PARD3: variants seen among roughly 807,000 people sequenced by gnomAD.
PARD3 encodes par-3 family cell polarity regulator.
In PARD3, 75 loss-of-function variants were observed where a neutral mutation model predicts 155.4. The observed-to-expected ratio is 0.48, with a 90% CI of 0.40 to 0.58. The LOEUF (loss-of-function observed/expected upper bound fraction) is 0.58, where lower values mean the gene tolerates loss of function less well. Ranked by LOEUF, PARD3 falls within the 20% of genes least tolerant of loss-of-function variation. PARD3 has a pLI of 0.00. For synonymous variants in PARD3, 576 were observed against 610.5 expected, an observed-to-expected ratio of 0.94 and a Z score of 0.83; for missense variants, 1,642 against 1,721.7, an observed-to-expected ratio of 0.95 and a Z score of 0.82.
At chr10:34,587,831 A>T (rs186028881) in intron 2 of PARD3, among the ~76,000 whole-genome samples, 1 of 152,302 alleles carries the variant, frequency 6.6e-6, no homozygotes, top group Admixed American at 6.5e-5. Context: ...ATCATTGCGG[A>T]TAAGTGCCCT....
intron 22 of PARD3, among the ~76,000 whole-genome samples, chr10:34,210,140 A>G (rs1951670308): frequency 6.6e-6 from 1 of 152,218 alleles, no homozygotes; most frequent in Non-Finnish European, 1.5e-5. Flanking sequence ...GAACTTCCCA[A>G]CATATAACAT....
chr10:34,527,653 C>T (rs1432935592), intron 2 of PARD3, among the ~76,000 whole-genome samples: 2 of 152,192 alleles, frequency 1.3e-5, no homozygotes, highest in Non-Finnish European at 2.9e-5. Flanking sequence ...GTGAAAATGA[C>T]ACACAATGAA....
At chr10:34,538,735 A>C (rs1272508850) in intron 2 of PARD3, among the ~76,000 whole-genome samples, 1 of 152,232 alleles carries the variant, frequency 6.6e-6, no homozygotes, top group Non-Finnish European at 1.5e-5. Flanking sequence ...CCGGGACAGG[A>C]GCCTTCTAGG....
chr10:34,147,548 T>TTA (rs1564432088), intron 22 of PARD3, among the ~76,000 whole-genome samples: 1 of 151,818 alleles, frequency 6.6e-6, no homozygotes. Context: ...CTTTATAAGT[T>TTA]TATATATATA....
At chr10:34,725,279 A>G (rs1284277907) in intron 1 of PARD3, among the ~76,000 whole-genome samples, 1 of 151,994 alleles carries the variant, frequency 6.6e-6, no homozygotes. Flanking sequence ...CAGCCTCCTG[A>G]GTAGCTGGGG....
chr10:34,782,450 C>A lies in PARD3; in HGVS notation c.120+32426G>T, dbSNP rs111235243. Among the ~76,000 whole-genome samples, 1,157 of 152,316 alleles carry A rather than the reference C, an allele frequency of 7.6e-3. 15 individuals are homozygous for A. The highest frequency in any genetic ancestry group is 0.026 in the African/African-American group (1,077 of 41,562). On this transcript the variant is annotated intron_variant, in intron 1 of 24. Transcript: ENST00000374788. ...AACAACCTCCAGTGAGAACTCTCCA[C>A]CCTTCTTAATCCCAAAATGTTAAAA...
intron 22 of PARD3, among the ~76,000 whole-genome samples, chr10:34,205,520 C>G (rs1951430815): frequency 6.6e-6 from 1 of 152,128 alleles, no homozygotes; most frequent in Non-Finnish European, 1.5e-5. Context: ...ATCCACAAAC[C>G]TTAATCCTGT....
chr10:34,250,975 G>A (rs1482116516), intron 22 of PARD3, among the ~76,000 whole-genome samples: 7 of 152,168 alleles, frequency 4.6e-5, no homozygotes, highest in Middle Eastern at 3.2e-3. Context: ...AGGCCTGCAC[G>A]ATCTTCAATC....
intron 7 of PARD3, among the ~76,000 whole-genome samples, chr10:34,396,542 T>C (rs189212566): frequency 6.6e-6 from 1 of 152,332 alleles, no homozygotes; most frequent in Non-Finnish European, 1.5e-5. Context: ...CAATTGGTAT[T>C]CTGCATTATT....
chr10:34,430,398 C>A (rs2075842360), intron 5 of PARD3, among the ~76,000 whole-genome samples: 1 of 152,148 alleles, frequency 6.6e-6, no homozygotes, highest in Non-Finnish European at 1.5e-5. Flanking sequence ...CCATTTTAAG[C>A]AGCAAGTTGA....
chr10:34,378,065 T>C lies in PARD3; in HGVS notation c.1441A>G (p.Thr481Ala). ...LGFSITSRDVTIGGSAPIYVK... is the reference protein window; with the variant it reads ...LGFSITSRDVAIGGSAPIYVK... Reference sequence around the variant, plus strand: ...TAGATTGGAGCTGAGCCACCTATTGTTACATCTCTGGAAGTGATGCTGAAT... The same window carrying C: ...TAGATTGGAGCTGAGCCACCTATTGCTACATCTCTGGAAGTGATGCTGAAT... The change falls in exon 10 of 25, where the codon ACA becomes GCA. Residue 481 changes from threonine (T) to alanine (A), a missense_variant. Around this residue, in one of 3 missense-constraint regions of PARD3, gnomAD observed 1,529 missense variants for 1,587.3 expected, o/e 0.96. Coordinates refer to ENST00000374788, the MANE Select transcript of PARD3 (RefSeq NM_001184785.2). 1 of 1,597,350 alleles carries C rather than the reference T, an allele frequency of 6.3e-7. No individual in the cohort carries two copies. Among genetic ancestry groups the C allele is most frequent in the Non-Finnish European group, 8.5e-7 (1 of 1,173,184 alleles).
intron 22 of PARD3, among the ~76,000 whole-genome samples, chr10:34,150,917 G>T (rs561137947): frequency 1.3e-5 from 2 of 152,252 alleles, no homozygotes; most frequent in African/African-American, 4.8e-5. Flanking sequence ...ATGAATACCT[G>T]CTGTCACATA....
intron 1 of PARD3, among the ~76,000 whole-genome samples, chr10:34,746,072 A>G (rs998910377): frequency 2.5e-4 from 38 of 152,174 alleles, no homozygotes; most frequent in African/African-American, 8.4e-4. Flanking sequence ...GCTGCACTCC[A>G]GCCTGGGCGA....
rs1842123110 is a variant in PARD3, at chr10:34,384,187, C to T, written c.958G>A (p.Glu320Lys). Residue 320 changes from glutamate (E) to lysine (K), a missense_variant, in exon 8 of 25, where the codon GAG becomes AAG. Transcript: ENST00000374788. ...TTAATCCTGACAATGCAATCATTCT[C>T]ACGAAAAAGATTTTCATGTTCAGCT... ...GKAEHENLFR[E>K]NDCIVRINDG... is the part of the protein sequence containing the mutation. 2 of 1,613,794 alleles carry T rather than the reference C, an allele frequency of 1.2e-6. No homozygotes were observed. Among genetic ancestry groups the T allele is most frequent in the Non-Finnish European group, 1.7e-6 (2 of 1,179,832 alleles).
intron 3 of PARD3, among the ~76,000 whole-genome samples, chr10:34,478,293 T>G (rs1388835019): frequency 6.6e-6 from 1 of 152,240 alleles, no homozygotes; most frequent in Admixed American, 6.5e-5. Context: ...TCAATCACTA[T>G]ACTCCAAGAA....
At chr10:34,757,147 C>G (rs1175524270) in intron 1 of PARD3, among the ~76,000 whole-genome samples, 6 of 152,174 alleles carry the variant, frequency 3.9e-5, no homozygotes, top group Non-Finnish European at 7.3e-5. Context: ...TTAGAGCCTT[C>G]ATTTATATTA....
chr10:34,593,312 T>C (rs1399847812), intron 2 of PARD3, among the ~76,000 whole-genome samples: 3 of 152,218 alleles, frequency 2.0e-5, no homozygotes, highest in Admixed American at 1.3e-4. Flanking sequence ...TATATATGCA[T>C]ATACATTTAA....
At position 34,479,195 on chromosome 10, in the gene PARD3, C is replaced by A. The variant is rs867429715; in HGVS notation, c.404-8932G>T. ...TTTTTTTTTTGAGACAGAGTCTCGC[C>A]CTGTCGCCCAGGCTGGAGTGCAGTG... On this transcript the variant is annotated intron_variant, in intron 3 of 24. Coordinates refer to ENST00000374788, the MANE Select transcript of PARD3 (RefSeq NM_001184785.2). Among the ~76,000 whole-genome samples, 125 of 149,712 alleles carry A rather than the reference C, an allele frequency of 8.3e-4. No individual in the cohort carries two copies. In the Middle Eastern group the frequency reaches 0.024, roughly 29 times the overall value.
chr10:34,391,921 C>T (rs1243724479), intron 7 of PARD3, among the ~76,000 whole-genome samples: 5 of 152,160 alleles, frequency 3.3e-5, no homozygotes, highest in African/African-American at 1.2e-4. Context: ...TTCGGGAGGC[C>T]GAGGTGGGTG....
Sources: gnomAD v4.1 joint callset for allele counts (sites outside exome capture counted in the v4.1 genomes callset) on GRCh38, gnomAD v4.1.1 for gene constraint, gnomAD v4.1.1 regional missense constraint, MANE v1.5 for transcripts, NCBI Gene and HGNC (gene_info 2026-07-23, HGNC 2026-07-21) for gene names.